LIMD1: variants seen among roughly 807,000 people sequenced by gnomAD.
The protein encoded by LIMD1 is LIM domain-containing protein 1.
LIMD1 carries 23 observed loss-of-function variants against 58.4 expected under a neutral mutation model. The observed-to-expected ratio is 0.39, with a 90% confidence interval of 0.28 to 0.56. The LOEUF (loss-of-function observed/expected upper bound fraction) is 0.56. Among genes scored for constraint, LIMD1 ranks in the 20% least tolerant of loss-of-function variants. LIMD1 has a pLI of 0.57. For synonymous variants in LIMD1, 334 were observed against 345.5 expected, an observed-to-expected ratio of 0.97 and a Z score of 0.37; for missense variants, 838 against 855.5, an observed-to-expected ratio of 0.98 and a Z score of 0.25.
At chr3:45,650,349 A>T (rs532412888) in intron 2 of LIMD1, among the ~76,000 whole-genome samples, 45 of 151,862 alleles carry the variant, frequency 3.0e-4, no homozygotes, top group Admixed American at 5.2e-4. Flanking sequence ...TCTTTTTTTA[A>T]ATTATACTTT....
intron 1 of LIMD1, among the ~76,000 whole-genome samples, chr3:45,613,881 G>A (rs909093031): frequency 1.3e-5 from 2 of 152,120 alleles, no homozygotes; most frequent in Non-Finnish European, 2.9e-5. Flanking sequence ...TGGAGTAGGT[G>A]TATGTATAAC....
At position 45,596,117 on chromosome 3, in the gene LIMD1, G is replaced by T. The variant is rs753285771; in HGVS notation, c.1238G>T (p.Ser413Ile). The T allele has an allele frequency of 6.2e-7, 1 of 1,614,132 alleles. No homozygotes were observed. The highest frequency in any genetic ancestry group is 8.5e-7 in the Non-Finnish European group (1 of 1,180,048). The change falls in exon 1 of 8, where the codon AGC becomes ATC. Residue 413 changes from serine (S) to isoleucine (I), a missense_variant. Coordinates refer to ENST00000273317, the MANE Select transcript of LIMD1 (RefSeq NM_014240.3). ...EGPLGWSSDG[S>I]LGSVLLDSPS... The stretch of plus-strand genomic sequence containing the variant: ...CCCCTGGGCTGGTCTTCTGATGGTA[G>T]CCTGGGATCTGTGCTCCTGGACAGC...
intron 1 of LIMD1, among the ~76,000 whole-genome samples, chr3:45,611,210 A>G (rs1701519514): frequency 6.6e-6 from 1 of 152,250 alleles, no homozygotes; most frequent in African/African-American, 2.4e-5. Context: ...TTAAACAAAA[A>G]GATCATCATT....
Position 45,677,167 on chromosome 3 carries a change from G to A in LIMD1, c.*108G>A. 1 of 1,292,734 alleles carries A rather than the reference G, an allele frequency of 7.7e-7. No homozygotes were observed. The highest frequency in any genetic ancestry group is 1.3e-5 in the South Asian group (1 of 76,230). The allele number at this position is 1,292,734 out of a possible 1,614,324, so 80.1% of individuals were successfully genotyped here. A position where few individuals can be genotyped will look rare whatever the true frequency, so the allele number is the denominator to read the frequency against. Reference sequence around the variant, plus strand: ...TGGGGTAGGGGAAGAGGAGGGGCAGGAGGGAGAGTTCCTGTGAGCATGTGG... The same window carrying A: ...TGGGGTAGGGGAAGAGGAGGGGCAGAAGGGAGAGTTCCTGTGAGCATGTGG... On this transcript the variant is annotated 3_prime_UTR_variant, in exon 8 of 8. Transcript: ENST00000273317.
chr3:45,633,129 G>C lies in LIMD1; in HGVS notation c.1409-3021G>C, dbSNP rs568841769. ...GATGCTTTCAGTTTCATACTGGTGGGGGCTCCCTGTTGACTTTGCTGCTTG... is the reference window on the plus strand; with the variant it reads ...GATGCTTTCAGTTTCATACTGGTGGCGGCTCCCTGTTGACTTTGCTGCTTG... On this transcript the variant is annotated intron_variant, in intron 1 of 7. Transcript: ENST00000273317. Among the ~76,000 whole-genome samples, 4 of 152,244 alleles carry C rather than the reference G, an allele frequency of 2.6e-5. 1 individual carries two copies. The South Asian group carries it at 8.3e-4, about 32-fold the overall frequency.
intron 2 of LIMD1, among the ~76,000 whole-genome samples, chr3:45,659,814 C>T (rs1289483456): frequency 6.6e-6 from 1 of 152,170 alleles, no homozygotes; most frequent in Admixed American, 6.5e-5. Flanking sequence ...TCTCAGATAA[C>T]CTCACTGAGT....
chr3:45,607,688 T>C (rs1032819926), intron 1 of LIMD1, among the ~76,000 whole-genome samples: 19 of 150,924 alleles, frequency 1.3e-4, no homozygotes, highest in African/African-American at 4.4e-4. Context: ...GCACCCCTCT[T>C]AGCAGGCAGG....
chr3:45,622,267 G>A (rs896829191), intron 1 of LIMD1, among the ~76,000 whole-genome samples: 1 of 152,040 alleles, frequency 6.6e-6, no homozygotes, highest in Non-Finnish European at 1.5e-5. Flanking sequence ...CATCTATTTT[G>A]GGGAGAATTT....
Position 45,595,806 on chromosome 3 carries a change from A to G in LIMD1, c.927A>G (p.Gly309=). The change falls in exon 1 of 8, where the codon GGA becomes GGG. Residue 309 remains glycine, a synonymous_variant. Coordinates refer to ENST00000273317, the MANE Select transcript of LIMD1 (RefSeq NM_014240.3). ...APLALSCPRQ[G]GLPRSNSGLG... is the part of the protein sequence containing the mutation. Reference sequence around the variant, plus strand: ...TGGCCCTGAGCTGCCCCAGGCAAGGAGGTCTTCCAAGATCAAACTCGGGGC... The same window carrying G: ...TGGCCCTGAGCTGCCCCAGGCAAGGGGGTCTTCCAAGATCAAACTCGGGGC... The G allele has an allele frequency of 6.2e-7, 1 of 1,614,140 alleles. No homozygotes were observed. Among genetic ancestry groups the G allele is most frequent in the Middle Eastern group, 1.6e-4 (1 of 6,062 alleles).
chr3:45,614,388 G>A (rs1308560614), intron 1 of LIMD1, among the ~76,000 whole-genome samples: 2 of 149,444 alleles, frequency 1.3e-5, no homozygotes, highest in Admixed American at 1.3e-4. Context: ...TTAGCCGGGC[G>A]TGGTGGCGGG....
chr3:45,612,070 G>GTGCTCT (rs1701529987), intron 1 of LIMD1, among the ~76,000 whole-genome samples: 3 of 144,842 alleles, frequency 2.1e-5, no homozygotes, highest in Non-Finnish European at 4.5e-5. Context: ...GCAGGTGCGC[G>GTGCTCT]CTCTCTCTCT....
intron 2 of LIMD1, among the ~76,000 whole-genome samples, chr3:45,640,743 T>C (rs1160994697): frequency 6.6e-6 from 1 of 152,228 alleles, no homozygotes; most frequent in Non-Finnish European, 1.5e-5. Context: ...GTTGGTGTTA[T>C]TACATAGATG....
At position 45,635,732 on chromosome 3, in the gene LIMD1, C is replaced by CAAAAAA. The variant is rs71095045; in HGVS notation, c.1409-395_1409-390dup. Among the ~76,000 whole-genome samples, 38 of 73,786 alleles carry CAAAAAA rather than the reference C, an allele frequency of 5.2e-4. 1 individual carries two copies. In the South Asian group the frequency reaches 7.9e-3, roughly 15 times the overall value. 48.4% of individuals were successfully genotyped at this position (73,786 alleles called of 152,430 possible). A position where few individuals can be genotyped will look rare whatever the true frequency, so the allele number is the denominator to read the frequency against. Reference sequence around the variant, plus strand: ...GGGCAACATATCAAGATCCCCGTCTCAAAAAAAAAAAAAAAAAAAAAAAAA... The same window carrying CAAAAAA: ...GGGCAACATATCAAGATCCCCGTCTCAAAAAAAAAAAAAAAAAAAAAAAAAAAAAAA... On this transcript the variant is annotated intron_variant, in intron 1 of 7. Coordinates refer to ENST00000273317, the MANE Select transcript of LIMD1 (RefSeq NM_014240.3).
intron 1 of LIMD1, among the ~76,000 whole-genome samples, chr3:45,598,653 T>G (rs535724911): frequency 2.6e-5 from 4 of 152,188 alleles, no homozygotes; most frequent in East Asian, 3.9e-4. Context: ...AAGCAAGTAC[T>G]AGGGAGAGAA....
chr3:45,615,729 C>G (rs1415897831), intron 1 of LIMD1, among the ~76,000 whole-genome samples: 1 of 151,880 alleles, frequency 6.6e-6, no homozygotes. Flanking sequence ...GTACTCCAAC[C>G]TGGGTGGGTT....
rs546003287 is a variant in LIMD1, at chr3:45,625,095, C to T, written c.1409-11055C>T. Among the ~76,000 whole-genome samples the T allele has an allele frequency of 2.1e-3, 326 of 152,214 alleles. 1 individual carries two copies. Among genetic ancestry groups the T allele is most frequent in the Non-Finnish European group, 3.3e-3 (223 of 68,010 alleles). On this transcript the variant is annotated intron_variant, in intron 1 of 7. Transcript: ENST00000273317. ...ATGTTAATGGTTTTCAGATAATCTT[C>T]CTGGAACCACTGCAGGGGGCCAGGA...
At chr3:45,668,952 G>C (rs1209998398) in intron 4 of LIMD1, among the ~76,000 whole-genome samples, 1 of 152,174 alleles carries the variant, frequency 6.6e-6, no homozygotes, top group African/African-American at 2.4e-5. Context: ...GGCATCCCAG[G>C]TGAGATGCTA....
chr3:45,669,691 C>G (rs1297728051), intron 4 of LIMD1, among the ~76,000 whole-genome samples: 1 of 152,178 alleles, frequency 6.6e-6, no homozygotes, highest in Non-Finnish European at 1.5e-5. Context: ...TAGACTCTTT[C>G]AGGTCTTATT....
Position 45,594,755 on chromosome 3 carries a change from GCCAGCATCTCC to G in LIMD1, c.-122_-112del, listed in dbSNP as rs1418388566. ...GGCCGGACTTGAGCCCCGACCCTTC[GCCAGCATCTCC>G]CCGCTGCCCTCAACACACACACACA... is the stretch of plus-strand genomic sequence containing the variant. On this transcript the variant is annotated 5_prime_UTR_variant, in exon 1 of 8. Transcript: ENST00000273317. 2.9e-5 allele frequency: 23 copies of G among 798,448 alleles called. No homozygotes were observed. Among genetic ancestry groups the G allele is most frequent in the Non-Finnish European group, 4.2e-5 (22 of 518,892 alleles). The allele number at this position is 798,448 out of a possible 1,614,324, so 49.5% of individuals were successfully genotyped here.
Sources: allele counts gnomAD v4.1 joint callset (sites outside exome capture counted in the v4.1 genomes callset), GRCh38; gene constraint gnomAD v4.1.1; transcripts MANE v1.5; gene names NCBI Gene and HGNC (gene_info 2026-07-23, HGNC 2026-07-21).